The following USP46 variants were observed in gnomAD, a reference collection of about 807,000 sequenced individuals.
USP46 encodes the protein ubiquitin carboxyl-terminal hydrolase 46.
In USP46, 12 loss-of-function variants were observed where a neutral mutation model predicts 44.4. The ratio of observed to expected loss-of-function variants is 0.27; its 90% CI spans 0.17 to 0.44. The LOEUF is 0.44. Ranked by LOEUF, USP46 falls within the 20% of genes least tolerant of loss-of-function variation. The probability of loss-of-function intolerance (pLI) is 1.00; values close to 1 mark genes in which losing one functional copy is unlikely to be tolerated. For missense variants in USP46, 248 were observed against 444.8 expected, an observed-to-expected ratio of 0.56 and a Z score of 3.98; for synonymous variants, 155 against 161.5, an observed-to-expected ratio of 0.96 and a Z score of 0.31.
Position 52,593,089 on chromosome 4 carries a change from A to C in USP46, c.*4551T>G. 1 of 396,872 alleles carries C rather than the reference A, an allele frequency of 2.5e-6. No homozygotes were observed. The highest frequency in any genetic ancestry group is 4.4e-6 in the Non-Finnish European group (1 of 225,512). The allele number at this position is 396,872 out of a possible 1,614,324, so 24.6% of individuals were successfully genotyped here. Reference sequence around the variant, plus strand: ...AATGGACAAATACAACGACTTAGTAAGTATTTTTATCTTCATGTAAATATA... The same window carrying C: ...AATGGACAAATACAACGACTTAGTACGTATTTTTATCTTCATGTAAATATA... On this transcript the variant is annotated 3_prime_UTR_variant, in exon 9 of 9. Coordinates refer to ENST00000441222, the MANE Select transcript of USP46 (RefSeq NM_022832.4).
intron 2 of USP46, among the ~76,000 whole-genome samples, chr4:52,630,151 G>A (rs966766403): frequency 1.3e-5 from 2 of 152,140 alleles, no homozygotes; most frequent in Non-Finnish European, 2.9e-5. Flanking sequence ...AGGATGGAGG[G>A]CACACCGCCT....
intron 1 of USP46, among the ~76,000 whole-genome samples, chr4:52,639,793 C>T (rs1287937017): frequency 6.6e-6 from 1 of 151,458 alleles, no homozygotes; most frequent in Admixed American, 6.6e-5. Flanking sequence ...ACCTTTCAGG[C>T]TCAAGTGATC....
chr4:52,639,873 T>TG (rs1718266053), intron 1 of USP46, among the ~76,000 whole-genome samples: 1 of 148,784 alleles, frequency 6.7e-6, no homozygotes, highest in Non-Finnish European at 1.5e-5. Context: ...TTTTTTTTTT[T>TG]TTTTTTTTTT....
chr4:52,631,185 T>G, intron 1 of USP46, 41 bp from the exon 2 acceptor site: 1 of 1,487,774 alleles, frequency 6.7e-7, no homozygotes, highest in Non-Finnish European at 9.1e-7. Context: ...GCATGTAAAA[T>G]AGACAAAAAG....
At chr4:52,645,387 C>T (rs1310100800) in intron 1 of USP46, among the ~76,000 whole-genome samples, 1 of 152,152 alleles carries the variant, frequency 6.6e-6, no homozygotes, top group Non-Finnish European at 1.5e-5. Context: ...TAGAAAGAAG[C>T]TGTGGCTGGC....
At chr4:52,598,805 A>T in intron 7 of USP46, 99 bp from the exon 8 acceptor site, 4 of 1,158,752 alleles carry the variant, frequency 3.5e-6, no homozygotes, top group Non-Finnish European at 4.9e-6. Flanking sequence ...TGGGAAAAAA[A>T]ACTATGTCAT....
rs1393910564 is a variant in USP46, at chr4:52,591,363, C to G, written c.*6277G>C. On this transcript the variant is annotated 3_prime_UTR_variant, in exon 9 of 9. Transcript: ENST00000441222. ...ACAAGTCTGAGTTTTCTTTTCAAAG[C>G]TCCCTTATGCTGAGAGGAAGTAAGA... The G allele has an allele frequency of 6.6e-6, 1 of 152,150 alleles. No individual in the cohort carries two copies. Among genetic ancestry groups the G allele is most frequent in the African/African-American group, 2.4e-5 (1 of 41,446 alleles). The allele number at this position is 152,150 out of a possible 1,614,324, so 9.4% of individuals were successfully genotyped here.
rs2109584127 is a variant in USP46 at position 52,593,948 on chromosome 4, C to T, written c.*3692G>A. The T allele has an allele frequency of 6.6e-6, 1 of 152,166 alleles. No individual in the cohort carries two copies. The highest frequency in any genetic ancestry group is 2.1e-4 in the South Asian group (1 of 4,824). 9.4% of individuals were successfully genotyped at this position (152,166 alleles called of 1,614,324 possible). A position where few individuals can be genotyped will look rare whatever the true frequency, so the allele number is the denominator to read the frequency against. ...TTAAATTCTGTTGATCTTTTTCACTCAAAAAAAGTGATGAGTTATCTCCAG... is the reference window on the plus strand; with the variant it reads ...TTAAATTCTGTTGATCTTTTTCACTTAAAAAAAGTGATGAGTTATCTCCAG... On this transcript the variant is annotated 3_prime_UTR_variant, in exon 9 of 9. Coordinates refer to ENST00000441222, the MANE Select transcript of USP46 (RefSeq NM_022832.4).
intron 7 of USP46, 32 bp from the exon 8 acceptor site, chr4:52,598,738 A>T: frequency 6.4e-7 from 1 of 1,567,622 alleles, no homozygotes; most frequent in Non-Finnish European, 8.7e-7. Flanking sequence ...GCAGTTAGCA[A>T]GTTAACATTT....
chr4:52,608,602 A>C (rs1249647127), intron 5 of USP46, among the ~76,000 whole-genome samples: 1 of 152,218 alleles, frequency 6.6e-6, no homozygotes, highest in Non-Finnish European at 1.5e-5. Flanking sequence ...TGCTCGATAG[A>C]ATCATCTGAG....
chr4:52,601,661 T>C (rs1157544946), intron 7 of USP46, among the ~76,000 whole-genome samples, 196 bp downstream of exon 7: 1 of 152,262 alleles, frequency 6.6e-6, no homozygotes, highest in African/African-American at 2.4e-5. Context: ...ACATTTAGAT[T>C]ATCATTACTG....
intron 7 of USP46, 101 bp from the exon 8 acceptor site, chr4:52,598,807 C>A: frequency 4.4e-6 from 5 of 1,129,362 alleles, no homozygotes; most frequent in Non-Finnish European, 6.4e-6. Flanking sequence ...GGAAAAAAAA[C>A]TATGTCATCA....
At chr4:52,619,525 G>A (rs1411956043) in intron 4 of USP46, among the ~76,000 whole-genome samples, 2 of 152,200 alleles carry the variant, frequency 1.3e-5, no homozygotes, top group African/African-American at 4.8e-5. Flanking sequence ...AAGGCTGTCT[G>A]CCCTAGGCAA....
At chr4:52,600,259 G>C (rs1390607854) in intron 7 of USP46, among the ~76,000 whole-genome samples, 1 of 152,012 alleles carries the variant, frequency 6.6e-6, no homozygotes, top group Admixed American at 6.6e-5. Flanking sequence ...AAAAAAACTT[G>C]CAGCAGAAAT....
At chr4:52,635,043 C>T (rs1285933274) in intron 1 of USP46, among the ~76,000 whole-genome samples, 1 of 152,162 alleles carries the variant, frequency 6.6e-6, no homozygotes, top group African/African-American at 2.4e-5. Context: ...CCACAGTCTA[C>T]CCAAACTCAG....
intron 1 of USP46, among the ~76,000 whole-genome samples, chr4:52,632,976 GAAAGAAAGA>G (rs1717937378): frequency 1.3e-5 from 1 of 76,732 alleles, no homozygotes; most frequent in Non-Finnish European, 2.5e-5. Flanking sequence ...AAGAAAGAAA[GAAAGAAAGA>G]AAAGAAAAGA....
intron 5 of USP46, among the ~76,000 whole-genome samples, chr4:52,608,990 C>T (rs1389755403): frequency 5.9e-5 from 9 of 152,192 alleles, no homozygotes; most frequent in Admixed American, 2.0e-4. Context: ...TTAAGATAAA[C>T]TTCACATAGT....
chr4:52,613,279 G>T (rs1249823243), intron 4 of USP46, among the ~76,000 whole-genome samples: 9 of 152,192 alleles, frequency 5.9e-5, no homozygotes, highest in Non-Finnish European at 1.0e-4. Context: ...ATCCACCCAT[G>T]CATGGAATAC....
Position 52,638,650 on chromosome 4 carries a change from A to AT in USP46, c.37-7507dup, listed in dbSNP as rs932011531. The stretch of plus-strand genomic sequence containing the variant: ...ATAATATATATAATTTTATATATAT[A>AT]TTTTTTTTATGAAAAAAATATATAT... On this transcript the variant is annotated intron_variant, in intron 1 of 8. Coordinates refer to ENST00000441222, the MANE Select transcript of USP46 (RefSeq NM_022832.4). Among the ~76,000 whole-genome samples, 5 of 147,562 alleles carry AT rather than the reference A, an allele frequency of 3.4e-5. No individual in the cohort carries two copies. The East Asian group carries it at 9.8e-4, about 29-fold the overall frequency.
Sources: allele counts gnomAD v4.1 joint callset (sites outside exome capture counted in the v4.1 genomes callset), GRCh38; gene constraint gnomAD v4.1.1; transcripts MANE v1.5; gene names NCBI Gene and HGNC (gene_info 2026-07-23, HGNC 2026-07-21).